SUSD6: variants seen among roughly 807,000 people sequenced by gnomAD.
The protein encoded by SUSD6 is sushi domain-containing protein 6.
A neutral mutation model predicts 28.4 loss-of-function variants in SUSD6; 16 were observed. That is an observed-to-expected ratio of 0.56 (90% CI 0.38 to 0.86). The LOEUF (loss-of-function observed/expected upper bound fraction) is 0.86, where lower values mean the gene tolerates loss of function less well. SUSD6 is among the 40% of genes least tolerant of loss of function. The pLI, the probability that SUSD6 is intolerant of heterozygous loss-of-function variation, is 0.00. For synonymous variants in SUSD6, 147 were observed against 159.6 expected, an observed-to-expected ratio of 0.92 and a Z score of 0.59; for missense variants, 341 against 384.2, an observed-to-expected ratio of 0.89 and a Z score of 0.94.
chr14:69,628,713 T>C (rs1885150786), intron 1 of SUSD6, among the ~76,000 whole-genome samples: 1 of 126,834 alleles, frequency 7.9e-6, no homozygotes, highest in Admixed American at 1.0e-4. Flanking sequence ...CTAAAGCCTG[T>C]GGTGGGTTTT....
At chr14:69,683,238 T>G (rs577626605) in intron 2 of SUSD6, among the ~76,000 whole-genome samples, 1 of 152,096 alleles carries the variant, frequency 6.6e-6, no homozygotes, top group Non-Finnish European at 1.5e-5. Flanking sequence ...CTGGGATCTT[T>G]TTAAGCATTT....
chr14:69,659,701 T>C (rs1885634995), intron 2 of SUSD6, among the ~76,000 whole-genome samples: 1 of 152,194 alleles, frequency 6.6e-6, no homozygotes, highest in Non-Finnish European at 1.5e-5. Context: ...TATTATTTAG[T>C]TGAGACGGGG....
intron 1 of SUSD6, among the ~76,000 whole-genome samples, chr14:69,622,750 C>A (rs1042899793): frequency 6.6e-6 from 1 of 152,044 alleles, no homozygotes; most frequent in Non-Finnish European, 1.5e-5. Context: ...CCCACCACCA[C>A]GCCTGGCTAA....
At chr14:69,658,987 G>A (rs909326623) in intron 2 of SUSD6, among the ~76,000 whole-genome samples, 1 of 152,140 alleles carries the variant, frequency 6.6e-6, no homozygotes, top group African/African-American at 2.4e-5. Flanking sequence ...GTAAGGTTCA[G>A]AGCACAATAT....
chr14:69,668,707 A>G (rs986723274), intron 2 of SUSD6, among the ~76,000 whole-genome samples: 2 of 151,960 alleles, frequency 1.3e-5, no homozygotes, highest in Non-Finnish European at 1.5e-5. Context: ...TGTAATTGCC[A>G]GTGTTGAAGT....
At chr14:69,633,646 T>C (rs1885226369) in intron 1 of SUSD6, among the ~76,000 whole-genome samples, 1 of 152,248 alleles carries the variant, frequency 6.6e-6, no homozygotes, top group African/African-American at 2.4e-5. Flanking sequence ...TTCCTTATAT[T>C]CTAATCATTC....
chr14:69,644,625 G>A lies in SUSD6; in HGVS notation c.-80-13888G>A, dbSNP rs187530867. Among the ~76,000 whole-genome samples the A allele has an allele frequency of 2.0e-3, 309 of 151,768 alleles. 2 individuals carry two copies. The highest frequency in any genetic ancestry group is 1.2e-3 in the Non-Finnish European group (81 of 67,942). On this transcript the variant is annotated intron_variant, in intron 1 of 5. Transcript: ENST00000342745. ...GCCACTGCACTCCAGCCTTGCGACA[G>A]AGTGAGACTCCGTCTCAAAAAAAAA...
intron 2 of SUSD6, among the ~76,000 whole-genome samples, chr14:69,682,799 G>T (rs1349388833): frequency 1.3e-5 from 2 of 152,170 alleles, no homozygotes; most frequent in African/African-American, 4.8e-5. Flanking sequence ...ACTATGCTGA[G>T]TTCCACATCT....
chr14:69,701,992 G>A (rs966508804), intron 2 of SUSD6, among the ~76,000 whole-genome samples: 4 of 152,154 alleles, frequency 2.6e-5, no homozygotes, highest in Non-Finnish European at 5.9e-5. Flanking sequence ...GGAAAGAAGA[G>A]GCATGGGTGA....
At chr14:69,698,101 G>T (rs974357324) in intron 2 of SUSD6, among the ~76,000 whole-genome samples, 1 of 152,260 alleles carries the variant, frequency 6.6e-6, no homozygotes, top group East Asian at 1.9e-4. Context: ...GCCGAGGCGG[G>T]CAGATCACTT....
chr14:69,667,756 A>G lies in SUSD6; in HGVS notation c.121+9043A>G, dbSNP rs528194335. ...AGTAGGCTGTGTGGCTCTCTGTTTTATACCTCTCACACACCTCTCTGAGCT... is the reference window on the plus strand; with the variant it reads ...AGTAGGCTGTGTGGCTCTCTGTTTTGTACCTCTCACACACCTCTCTGAGCT... On this transcript the variant is annotated intron_variant, in intron 2 of 5. Transcript: ENST00000342745. 2.3e-4 allele frequency among the ~76,000 whole-genome samples: 35 copies of G among 152,028 alleles called. 1 individual carries two copies. The South Asian group carries it at 5.0e-3, about 22-fold the overall frequency.
rs151095658 is a variant in SUSD6, at chr14:69,646,342, G to A, written c.-80-12171G>A. Among the ~76,000 whole-genome samples, 4 of 152,192 alleles carry A rather than the reference G, an allele frequency of 2.6e-5. No homozygotes were observed. In the East Asian group the frequency reaches 7.7e-4, roughly 29 times the overall value. On this transcript the variant is annotated intron_variant, in intron 1 of 5. Coordinates refer to ENST00000342745, the MANE Select transcript of SUSD6 (RefSeq NM_014734.4). ...CCATTATAAGTTAGCATTCTCCCTA[G>A]GATTCTGTCCTTAACTTTCTTCTCA...
intron 1 of SUSD6, among the ~76,000 whole-genome samples, chr14:69,614,130 C>A (rs7154836): frequency 6.6e-6 from 1 of 152,116 alleles, no homozygotes; most frequent in Non-Finnish European, 1.5e-5. Flanking sequence ...TGCAGTGGCA[C>A]GATCTCGGCT....
chr14:69,654,704 T>A (rs915939670), intron 1 of SUSD6, among the ~76,000 whole-genome samples: 1 of 151,890 alleles, frequency 6.6e-6, no homozygotes, highest in Admixed American at 6.6e-5. Context: ...CAGTTAAAAA[T>A]TTTTTTTCTC....
At chr14:69,665,438 A>G (rs1885725579) in intron 2 of SUSD6, among the ~76,000 whole-genome samples, 1 of 152,156 alleles carries the variant, frequency 6.6e-6, no homozygotes. Context: ...ATTTTTGTAG[A>G]GATGGGTTTT....
intron 1 of SUSD6, among the ~76,000 whole-genome samples, chr14:69,652,411 C>G (rs1305193428): frequency 6.6e-6 from 1 of 152,022 alleles, no homozygotes; most frequent in East Asian, 1.9e-4. Context: ...TGTGCCACTC[C>G]CACTGCACTC....
chr14:69,669,065 T>C (rs1885790285), intron 2 of SUSD6, among the ~76,000 whole-genome samples: 1 of 114,538 alleles, frequency 8.7e-6, no homozygotes, highest in African/African-American at 4.4e-5. Context: ...TTCTTTTCTT[T>C]TTTTTTTTTT....
chr14:69,636,256 T>A (rs1295647672), intron 1 of SUSD6, among the ~76,000 whole-genome samples: 1 of 152,194 alleles, frequency 6.6e-6, no homozygotes, highest in Non-Finnish European at 1.5e-5. Flanking sequence ...CTGTTGCTGT[T>A]GAAGGCATAG....
rs1439392248 is a variant in SUSD6, at chr14:69,625,221, G to A, written c.-81+13393G>A. On this transcript the variant is annotated intron_variant, in intron 1 of 5. Coordinates refer to ENST00000342745, the MANE Select transcript of SUSD6 (RefSeq NM_014734.4). ...AAGAGTAGTGTGTATTCCACGGGGG[G>A]TTTTGAGGATTAAATGATTCTAGAT... Among the ~76,000 whole-genome samples the A allele has an allele frequency of 2.0e-5, 3 of 152,270 alleles. No individual in the cohort carries two copies. In the East Asian group the frequency reaches 5.8e-4, roughly 29 times the overall value.
Sources: allele counts gnomAD v4.1 joint callset (sites outside exome capture counted in the v4.1 genomes callset), GRCh38; gene constraint gnomAD v4.1.1; transcripts MANE v1.5; gene names NCBI Gene and HGNC (gene_info 2026-07-23, HGNC 2026-07-21).